Variants in HDAC4 observed in about 807,000 individuals in gnomAD.
The protein encoded by HDAC4 is histone deacetylase 4, also known as histone deacetylase A.
HDAC4 carries 16 observed loss-of-function variants against 135.1 expected under a neutral mutation model. The observed-to-expected ratio is 0.12, with a 90% CI of 0.08 to 0.18. The LOEUF (loss-of-function observed/expected upper bound fraction) is 0.18. Among genes scored for constraint, HDAC4 ranks in the 10% least tolerant of loss-of-function variants. The probability of loss-of-function intolerance (pLI) is 1.00; values close to 1 mark genes in which losing one functional copy is unlikely to be tolerated. For synonymous variants in HDAC4, 685 were observed against 653.4 expected, an observed-to-expected ratio of 1.05 and a Z score of -0.74; for missense variants, 1,143 against 1,511.8, an observed-to-expected ratio of 0.76 and a Z score of 4.05.
chr2:239,131,371 T>C (rs984287323), intron 11 of HDAC4, among the ~76,000 whole-genome samples: 2 of 152,162 alleles, frequency 1.3e-5, no homozygotes, highest in African/African-American at 4.8e-5. Context: ...GGTGGGTCTG[T>C]CTGTGGGCCA....
Position 239,137,407 on chromosome 2 carries a change from T to G in HDAC4, c.978+2277A>C, listed in dbSNP as rs565452085. Reference sequence around the variant, plus strand: ...CGACTTCCTCTCACTCTCTGAGCCCTGCCTCCTCCCTGTAGAGGAGGTGCC... The same window carrying G: ...CGACTTCCTCTCACTCTCTGAGCCCGGCCTCCTCCCTGTAGAGGAGGTGCC... On this transcript the variant is annotated intron_variant, in intron 9 of 26. Transcript: ENST00000543185. Among the ~76,000 whole-genome samples, 4 of 152,296 alleles carry G rather than the reference T, an allele frequency of 2.6e-5. No homozygotes were observed. The South Asian group carries it at 6.2e-4, about 24-fold the overall frequency.
At chr2:239,149,545 C>T (rs1489473582) in intron 7 of HDAC4, among the ~76,000 whole-genome samples, 1 of 152,112 alleles carries the variant, frequency 6.6e-6, no homozygotes, top group African/African-American at 2.4e-5. Flanking sequence ...AACGCACTGC[C>T]GCTAAGCAAC....
In HDAC4 at chr2:239,106,176, C is replaced by CGAGGGCGGGCGGAGGAGCT. The variant is rs1023647512; in HGVS notation, c.2112+1855_2112+1873dup. ...TGGTGCTGAGGACAGGCAGAGGAGC[C>CGAGGGCGGGCGGAGGAGCT]GAGGGCGGGCGGAGGAGCTGAGGGC... On this transcript the variant is annotated intron_variant, in intron 15 of 26. Transcript: ENST00000543185. Among the ~76,000 whole-genome samples the CGAGGGCGGGCGGAGGAGCT allele has an allele frequency of 2.6e-5, 4 of 152,096 alleles. No individual in the cohort carries two copies. The East Asian group carries it at 5.8e-4, about 22-fold the overall frequency.
At position 239,082,144 on chromosome 2, in the gene HDAC4, G is replaced by A. The variant is rs150255381; in HGVS notation, c.2610C>T (p.Tyr870=). The change falls in exon 21 of 27, where the codon TAC becomes TAT. Residue 870 remains tyrosine, a synonymous_variant. Coordinates refer to ENST00000543185, the MANE Select transcript of HDAC4 (RefSeq NM_001378414.1). ...TGCCTGGGAAGAAGTTCCCATCGTC[G>A]TAGCGGTGGAGGGACATGTACAGGA... ...PSVLYMSLHR[Y]DDGNFFPGSG... is the part of the protein sequence containing the mutation. The A allele has an allele frequency of 1.2e-5, 19 of 1,613,968 alleles. No individual in the cohort carries two copies. The African/African-American group carries it at 1.2e-4, about 10-fold the overall frequency.
Position 239,308,995 on chromosome 2 carries a change from C to T in HDAC4, c.22+43683G>A, listed in dbSNP as rs1394790060. The T allele has an allele frequency of 6.6e-6, 1 of 152,158 alleles. No individual in the cohort carries two copies. The highest frequency in any genetic ancestry group is 1.5e-5 in the Non-Finnish European group (1 of 68,044). The allele number at this position is 152,158 out of a possible 1,614,324, so 9.4% of individuals were successfully genotyped here. ...GATTCTTGATAACAAGCCGCCGGCT[C>T]GCTGGAAGACACTGAGCAGTTACAT... On this transcript the variant is annotated intron_variant, in intron 2 of 26. Transcript: ENST00000543185. The surrounding 1 kb of genome is among the most constrained non-coding windows in gnomAD (Gnocchi z 4.2).
intron 17 of HDAC4, chr2:239,091,826 T>A (rs545203927): frequency 2.0e-5 from 3 of 150,710 alleles, no homozygotes; most frequent in Non-Finnish European, 4.4e-5. Context: ...TTTGGGAGGC[T>A]GAGGTGGGCG....
At chr2:239,350,283 AC>A (rs949094312) in intron 2 of HDAC4, among the ~76,000 whole-genome samples, 1 of 152,200 alleles carries the variant, frequency 6.6e-6, no homozygotes, top group Non-Finnish European at 1.5e-5. Flanking sequence ...TTAAAAAAAA[AC>A]ACTGAACTAT....
At position 239,387,427 on chromosome 2, in the gene HDAC4, C is replaced by T. The variant is rs190761722; in HGVS notation, c.-220+13551G>A. The stretch of plus-strand genomic sequence containing the variant: ...CAATGCCCAGGAGAGCCTCCCACCC[C>T]TTACTTTACAAAACCCCCCACCTTC... On this transcript the variant is annotated intron_variant, in intron 1 of 26. Transcript: ENST00000543185. Among the ~76,000 whole-genome samples, 1,344 of 152,340 alleles carry T rather than the reference C, an allele frequency of 8.8e-3. 11 individuals carry two copies. The highest frequency in any genetic ancestry group is 0.015 in the Non-Finnish European group (1,045 of 68,022).
intron 2 of HDAC4, among the ~76,000 whole-genome samples, chr2:239,289,155 T>C (rs904761899): frequency 4.6e-5 from 7 of 152,198 alleles, no homozygotes; most frequent in Non-Finnish European, 1.0e-4. Context: ...TCAAACATTA[T>C]GGTTCTCAAA....
At chr2:239,244,720 C>T (rs1168407464) in intron 2 of HDAC4, among the ~76,000 whole-genome samples, 1 of 152,206 alleles carries the variant, frequency 6.6e-6, no homozygotes, top group African/African-American at 2.4e-5. Context: ...CCATCTGCCA[C>T]CTCAAGCAGG....
Position 239,102,791 on chromosome 2 carries a change from T to A in HDAC4, c.2218A>T (p.Ser740Cys), listed in dbSNP as rs750697436. 2.5e-6 allele frequency: 4 copies of A among 1,613,796 alleles called. No homozygotes were observed. Among genetic ancestry groups the A allele is most frequent in the Non-Finnish European group, 3.4e-6 (4 of 1,180,022 alleles). The change falls in exon 16 of 27, where the codon AGT (serine) becomes TGT (cysteine). Residue 740 changes from serine (S) to cysteine (C), a missense_variant. By Grantham distance (112) the Ser-to-Cys change is moderately radical. Around this residue, in one of 9 missense-constraint regions of HDAC4, gnomAD observed 49 missense variants for 55.6 expected, o/e 0.88. Coordinates refer to ENST00000543185, the MANE Select transcript of HDAC4 (RefSeq NM_001378414.1). ...TNPLNRQKLD[S>C]KKLLGSLASV... Reference sequence around the variant, plus strand: ...CCTGAAATACCTAGAAGTTTCTTACTGTCCAGTTTCTGCCGGTTGAGGGGG... The same window carrying A: ...CCTGAAATACCTAGAAGTTTCTTACAGTCCAGTTTCTGCCGGTTGAGGGGG...
chr2:239,312,860 T>C (rs561819291), intron 2 of HDAC4, among the ~76,000 whole-genome samples: 1 of 152,288 alleles, frequency 6.6e-6, no homozygotes, highest in African/African-American at 2.4e-5. Flanking sequence ...GTAGGCCACG[T>C]TCCCCCAGTG....
In HDAC4 at chr2:239,338,479, C is replaced by T. The variant is rs535170946; in HGVS notation, c.22+14199G>A. Among the ~76,000 whole-genome samples, 120 of 152,300 alleles carry T rather than the reference C, an allele frequency of 7.9e-4. 1 individual carries two copies. Among genetic ancestry groups the T allele is most frequent in the Non-Finnish European group, 1.1e-3 (74 of 68,016 alleles). On this transcript the variant is annotated intron_variant, in intron 2 of 26. Coordinates refer to ENST00000543185, the MANE Select transcript of HDAC4 (RefSeq NM_001378414.1). ...CCTTCGTCCAACCCCCTAGTGCAAA[C>T]ATCAAATGACACCTATTAAAATTGA...
rs1321320361 is a variant in HDAC4 at position 239,349,232 on chromosome 2, C to T, written c.22+3446G>A. ...CAGGGCCAGCTAGCAGAGGACGGCA[C>T]GAGAGACACACGGAGGGAGGGGAGG... On this transcript the variant is annotated intron_variant, in intron 2 of 26. Transcript: ENST00000543185. The surrounding 1 kb of genome is among the most constrained non-coding windows in gnomAD (Gnocchi z 5.7). 3.3e-5 allele frequency among the ~76,000 whole-genome samples: 5 copies of T among 152,100 alleles called. No individual in the cohort carries two copies. The highest frequency in any genetic ancestry group is 2.0e-4 in the Admixed American group (3 of 15,272).
intron 16 of HDAC4, among the ~76,000 whole-genome samples, chr2:239,096,697 ACCCAC>A (rs55867168): frequency 0.26 from 10,958 of 42,556 alleles, 1,710 homozygotes; most frequent in African/African-American, 0.4. Context: ...CCCCACAGAC[ACCCAC>A]CCCACCCCAC....
At chr2:239,090,711 G>A (rs1267287727) in intron 17 of HDAC4, among the ~76,000 whole-genome samples, 2 of 151,598 alleles carry the variant, frequency 1.3e-5, no homozygotes, top group African/African-American at 2.4e-5. Context: ...AATGCACTCT[G>A]GAGCATTCTG....
rs1553618788 is a variant in HDAC4 at position 239,400,962 on chromosome 2, C to CA, written c.-220+15dup. The CA allele has an allele frequency of 6.6e-6, 1 of 152,154 alleles. No homozygotes were observed. Among genetic ancestry groups the CA allele is most frequent in the Non-Finnish European group, 1.5e-5 (1 of 67,770 alleles). 9.4% of individuals were successfully genotyped at this position (152,154 alleles called of 1,614,324 possible). A position where few individuals can be genotyped will look rare whatever the true frequency, so the allele number is the denominator to read the frequency against. On this transcript the variant is annotated intron_variant, in intron 1 of 26. Coordinates refer to ENST00000543185, the MANE Select transcript of HDAC4 (RefSeq NM_001378414.1). This position sits in a 1 kb window ranked among gnomAD's most constrained non-coding sequence, Gnocchi z 4.7. ...CCCCACAACCTCCCCTCCTCATTCACAAAAAATTGACCCACGTTGAACCAT... is the reference window on the plus strand; with the variant it reads ...CCCCACAACCTCCCCTCCTCATTCACAAAAAAATTGACCCACGTTGAACCAT...
In HDAC4 at chr2:239,116,311, T is replaced by C. The variant is rs115106793; in HGVS notation, c.1534-1001A>G. On this transcript the variant is annotated intron_variant, in intron 12 of 26. Transcript: ENST00000543185. ...TGCCCATGAGCCCCAGCACAGCAGG[T>C]CCAATGCCGAACGCAGGGCAGCTTC... Among the ~76,000 whole-genome samples the C allele has an allele frequency of 8.3e-3, 1,232 of 149,274 alleles. 14 individuals are homozygous for C. Among genetic ancestry groups the C allele is most frequent in the African/African-American group, 0.03 (1,179 of 38,696 alleles).
chr2:239,208,504 T>A (rs1271389031), intron 3 of HDAC4, among the ~76,000 whole-genome samples: 2 of 152,128 alleles, frequency 1.3e-5, no homozygotes. Flanking sequence ...GAGCGCTTCT[T>A]TAACCAAAAA....
Sources: gnomAD v4.1 joint callset for allele counts (sites outside exome capture counted in the v4.1 genomes callset) on GRCh38, gnomAD v4.1.1 for gene constraint, gnomAD v4.1.1 regional missense constraint, Gnocchi (gnomAD v3.1) non-coding constraint, MANE v1.5 for transcripts, NCBI Gene and HGNC (gene_info 2026-07-23, HGNC 2026-07-21) for gene names.